PTGER4: variants seen among roughly 807,000 people sequenced by gnomAD.
PTGER4 encodes prostaglandin E2 receptor EP4 subtype.
A neutral mutation model predicts 33.2 loss-of-function variants in PTGER4; 11 were observed. That is an observed-to-expected ratio of 0.33 (90% confidence interval 0.21 to 0.55). PTGER4 has a LOEUF of 0.55. Ranked by LOEUF, PTGER4 falls within the 20% of genes least tolerant of loss-of-function variation. The probability of loss-of-function intolerance (pLI) is 0.92; values close to 1 mark genes in which losing one functional copy is unlikely to be tolerated. For missense variants in PTGER4, 481 were observed against 650.2 expected (o/e 0.74, Z 2.83); for synonymous variants, 275 against 281.5 (o/e 0.98, Z 0.23).
the PTGER4 span, among the ~76,000 whole-genome samples, chr5:40,706,668 C>G: frequency 1.3e-5 from 2 of 149,828 alleles, no homozygotes; most frequent in African/African-American, 4.9e-5. Flanking sequence ...TCTTAGCACA[C>G]AAAAAGCACA....
intron 2 of PTGER4, among the ~76,000 whole-genome samples, chr5:40,686,643 C>T (rs929429836): frequency 7.2e-5 from 11 of 152,214 alleles, no homozygotes; most frequent in Non-Finnish European, 2.9e-5. Flanking sequence ...GTCACCACAT[C>T]TTCTTCTGAA....
chr5:40,695,791 G>T (rs1336546892), downstream of PTGER4, among the ~76,000 whole-genome samples: 1 of 152,048 alleles, frequency 6.6e-6, no homozygotes, highest in African/African-American at 2.4e-5. Flanking sequence ...ATAGAATGAA[G>T]GTAAAGACCA....
downstream of PTGER4, among the ~76,000 whole-genome samples, chr5:40,698,118 AAC>A (rs1554024688): frequency 7.2e-3 from 497 of 69,252 alleles, 59 homozygotes; most frequent in African/African-American, 0.017. Context: ...AAAAAAAAAA[AAC>A]CATGAAAAAT....
the PTGER4 span, among the ~76,000 whole-genome samples, chr5:40,722,703 C>G: frequency 6.6e-6 from 1 of 151,406 alleles, no homozygotes; most frequent in Non-Finnish European, 1.5e-5. Context: ...GGAGCGTCTC[C>G]GCCCGGCCAG....
the PTGER4 span, among the ~76,000 whole-genome samples, chr5:40,716,987 G>A: frequency 6.6e-6 from 1 of 152,106 alleles, no homozygotes; most frequent in Non-Finnish European, 1.5e-5. Flanking sequence ...CCAGCACTTT[G>A]GGAGGCTGAG....
At chr5:40,731,825 T>C in the PTGER4 span, among the ~76,000 whole-genome samples, 10 of 152,222 alleles carry the variant, frequency 6.6e-5, no homozygotes, top group African/African-American at 2.4e-4. Flanking sequence ...TGCTCCGTTC[T>C]TCATGAAGAC....
chr5:40,728,235 G>T, the PTGER4 span: 2 of 869,114 alleles, frequency 2.3e-6, no homozygotes, highest in East Asian at 3.2e-5. Context: ...CGTGAGCTGA[G>T]ATTGCACCAC....
chr5:40,694,195 C>T (rs1319959181), downstream of PTGER4, among the ~76,000 whole-genome samples: 4 of 152,068 alleles, frequency 2.6e-5, no homozygotes, highest in South Asian at 2.1e-4. Flanking sequence ...AGATTACAGG[C>T]GTGTACCACC....
chr5:40,718,400 T>C, the PTGER4 span, among the ~76,000 whole-genome samples: 1 of 150,178 alleles, frequency 6.7e-6, no homozygotes, highest in African/African-American at 2.5e-5. Context: ...AGCAAGACTC[T>C]GTCTCAAAAA....
At chr5:40,723,969 T>C in the PTGER4 span, among the ~76,000 whole-genome samples, 1 of 152,252 alleles carries the variant, frequency 6.6e-6, no homozygotes, top group Non-Finnish European at 1.5e-5. Flanking sequence ...GTAGCCATTA[T>C]GGAGTTTCTT....
At chr5:40,694,573 G>T (rs551194069), downstream of PTGER4, among the ~76,000 whole-genome samples, 4 of 147,266 alleles carry the variant, frequency 2.7e-5, no homozygotes, top group East Asian at 7.7e-4. Flanking sequence ...CCTTCTTTCT[G>T]TGTCCTCAGA....
At chr5:40,726,032 G>A in the PTGER4 span, among the ~76,000 whole-genome samples, 10 of 151,580 alleles carry the variant, frequency 6.6e-5, no homozygotes, top group South Asian at 4.2e-4. Context: ...TGATCCGCCC[G>A]CCTCGGCCTC....
chr5:40,694,844 C>CTAT (rs1373626681), downstream of PTGER4, among the ~76,000 whole-genome samples: 2 of 152,218 alleles, frequency 1.3e-5, no homozygotes, highest in African/African-American at 4.8e-5. Flanking sequence ...GCTCAGTCAT[C>CTAT]TATTCCATAT....
At chr5:40,721,275 C>A in the PTGER4 span, among the ~76,000 whole-genome samples, 1 of 152,170 alleles carries the variant, frequency 6.6e-6, no homozygotes, top group African/African-American at 2.4e-5. Flanking sequence ...CTTCCCTGAG[C>A]TGGGCACAAA....
the PTGER4 span, among the ~76,000 whole-genome samples, chr5:40,736,434 C>G: frequency 1.3e-5 from 2 of 152,092 alleles, no homozygotes; most frequent in Non-Finnish European, 2.9e-5. Flanking sequence ...ACAACTGATT[C>G]TAACAGAAAA....
At chr5:40,708,038 A>G in the PTGER4 span, among the ~76,000 whole-genome samples, 1 of 152,246 alleles carries the variant, frequency 6.6e-6, no homozygotes, top group African/African-American at 2.4e-5. Flanking sequence ...AGCAGTGTGT[A>G]GAGGGAAATT....
the PTGER4 span, chr5:40,715,684 A>C: frequency 6.5e-6 from 1 of 153,066 alleles, no homozygotes; most frequent in Non-Finnish European, 1.5e-5. Context: ...AAAATATTCA[A>C]GCTTTCTGAC....
At chr5:40,723,710 C>T in the PTGER4 span, among the ~76,000 whole-genome samples, 1 of 151,908 alleles carries the variant, frequency 6.6e-6, no homozygotes, top group Non-Finnish European at 1.5e-5. Context: ...ACTAAAAATA[C>T]AAAAATTAGC....
intron 2 of PTGER4, among the ~76,000 whole-genome samples, chr5:40,688,790 C>T (rs1741393948): frequency 6.6e-6 from 1 of 152,106 alleles, no homozygotes; most frequent in Admixed American, 6.5e-5. Flanking sequence ...TATGCTTTGC[C>T]TTGATACTAT....
Sources: allele counts gnomAD v4.1 joint callset (sites outside exome capture counted in the v4.1 genomes callset), GRCh38; gene constraint gnomAD v4.1.1; transcripts MANE v1.5; gene names NCBI Gene and HGNC (gene_info 2026-07-23, HGNC 2026-07-21).